Variants in CNTLN observed in about 807,000 individuals in gnomAD.
CNTLN encodes the protein centlein, centrosomal protein.
Under a neutral mutation model 180.0 loss-of-function variants are expected in CNTLN, and 212 were observed. That is an observed-to-expected ratio of 1.18 (90% CI 1.05 to 1.32). The LOEUF is 1.32. Ranked by LOEUF, CNTLN falls within the 40% of genes most tolerant of loss-of-function variation. The pLI, the probability that CNTLN is intolerant of heterozygous loss-of-function variation, is 0.00. For synonymous variants in CNTLN, 722 were observed against 563.1 expected (o/e 1.28, Z -3.99); for missense variants, 2,095 against 1,610.9 (o/e 1.30, Z -5.14).
chr9:17,300,375 A>T (rs1003720852), intron 7 of CNTLN: 4 of 152,148 alleles, frequency 2.6e-5, no homozygotes, highest in African/African-American at 9.7e-5. Flanking sequence ...TGTATACTCT[A>T]GGAAAGAGTA....
In CNTLN at chr9:17,487,055, C is replaced by G. The variant is rs751322538; in HGVS notation, c.4108C>G (p.Leu1370Val). 6.2e-7 allele frequency: 1 copy of G among 1,602,392 alleles called. No homozygotes were observed. Among genetic ancestry groups the G allele is most frequent in the Non-Finnish European group, 8.5e-7 (1 of 1,171,870 alleles). ...ATGGATGTTGTACATTCAGAAACTT[C>G]TTGAAGGACAGGTATTTCATTTTTC... is the stretch of plus-strand genomic sequence containing the variant. ...KEWMLYIQKL[L>V]EGQLPFASYL... is the part of the protein sequence containing the mutation. The change falls in exon 25 of 26, where the codon CTT becomes GTT. Residue 1370 changes from leucine to valine, a missense_variant. Coordinates refer to ENST00000380647, the MANE Select transcript of CNTLN (RefSeq NM_017738.4).
chr9:17,463,889 T>A (rs1175461147), intron 20 of CNTLN, among the ~76,000 whole-genome samples: 2 of 151,410 alleles, frequency 1.3e-5, no homozygotes, highest in Non-Finnish European at 3.0e-5. Context: ...GACTGGAACA[T>A]TGTAAGCCTT....
chr9:17,462,948 A>T lies in CNTLN; in HGVS notation c.3339A>T (p.Ser1113=), dbSNP rs368133147. ...NATNELTKQS[S]NVKTLKFELL... ...CTAATGAACTCACTAAACAGTCATC[A>T]AATGTGAAGACTTTGAAATTTGAAC... is the stretch of plus-strand genomic sequence containing the variant. The change falls in exon 20 of 26, where the codon TCA becomes TCT. Residue 1113 remains serine, a synonymous_variant. Transcript: ENST00000380647. 21 of 1,580,342 alleles carry T rather than the reference A, an allele frequency of 1.3e-5. No homozygotes were observed. Among genetic ancestry groups the T allele is most frequent in the Middle Eastern group, 1.7e-4 (1 of 5,978 alleles).
intron 8 of CNTLN, among the ~76,000 whole-genome samples, chr9:17,311,047 A>G (rs1389560866): frequency 1.3e-5 from 2 of 151,628 alleles, no homozygotes; most frequent in Non-Finnish European, 2.9e-5. Context: ...TTTTTGAGAC[A>G]GAGTTTTGCT....
rs1241545375 is a variant in CNTLN at position 17,269,579 on chromosome 9, G to A, written c.850-4154G>A. 2.0e-5 allele frequency among the ~76,000 whole-genome samples: 3 copies of A among 152,026 alleles called. No individual in the cohort carries two copies. In the South Asian group the frequency reaches 6.2e-4, roughly 32 times the overall value. On this transcript the variant is annotated intron_variant, in intron 5 of 25. Transcript: ENST00000380647. ...TTTCCATGTGGATGAAAAATTTCCA[G>A]TTTTCCTTCTGTAATTGATTTCTGG...
chr9:17,336,456 G>A (rs368974722), intron 10 of CNTLN, among the ~76,000 whole-genome samples: 31 of 152,190 alleles, frequency 2.0e-4, no homozygotes, highest in African/African-American at 6.5e-4. Context: ...ATAGTCTCTA[G>A]GACTAATTTA....
chr9:17,182,035 C>T (rs1256987871), intron 2 of CNTLN, among the ~76,000 whole-genome samples: 1 of 152,126 alleles, frequency 6.6e-6, no homozygotes. Flanking sequence ...CCTGGCTCTC[C>T]ACTTGTCCTT....
chr9:17,395,337 G>T (rs1587874933), intron 15 of CNTLN, among the ~76,000 whole-genome samples: 2 of 152,246 alleles, frequency 1.3e-5, no homozygotes, highest in South Asian at 4.1e-4. Flanking sequence ...CTATTTTCAT[G>T]CAGTCATGAG....
chr9:17,256,975 AT>A lies in CNTLN; in HGVS notation c.850-16748del, dbSNP rs925479687. Among the ~76,000 whole-genome samples, 564 of 148,372 alleles carry A rather than the reference AT, an allele frequency of 3.8e-3. 5 individuals carry two copies. Among genetic ancestry groups the A allele is most frequent in the African/African-American group, 0.013 (539 of 40,650 alleles). On this transcript the variant is annotated intron_variant, in intron 5 of 25. Coordinates refer to ENST00000380647, the MANE Select transcript of CNTLN (RefSeq NM_017738.4). The stretch of plus-strand genomic sequence containing the variant: ...TGACCTCCTATACATTTTGTTTAAC[AT>A]TTTTTTTTTATTATTATACTTTAAG...
At chr9:17,243,206 TG>T (rs1563915300) in intron 5 of CNTLN, among the ~76,000 whole-genome samples, 1 of 152,180 alleles carries the variant, frequency 6.6e-6, no homozygotes. Flanking sequence ...TTTATTTATT[TG>T]GGTTTCTTTT....
rs1023268999 is a variant in CNTLN, at chr9:17,144,641, G to T, written c.449+1265G>T. Among the ~76,000 whole-genome samples the T allele has an allele frequency of 2.6e-5, 4 of 151,418 alleles. No homozygotes were observed. The East Asian group carries it at 7.7e-4, about 29-fold the overall frequency. On this transcript the variant is annotated intron_variant, in intron 2 of 25. Coordinates refer to ENST00000380647, the MANE Select transcript of CNTLN (RefSeq NM_017738.4). Reference sequence around the variant, plus strand: ...GTTTTTCATATTTATAATATACAGAGTATATATTCATATAACATAAAATTT... The same window carrying T: ...GTTTTTCATATTTATAATATACAGATTATATATTCATATAACATAAAATTT...
intron 12 of CNTLN, among the ~76,000 whole-genome samples, chr9:17,348,901 G>A (rs886594925): frequency 2.6e-5 from 4 of 152,086 alleles, no homozygotes; most frequent in Non-Finnish European, 5.9e-5. Flanking sequence ...ATTATGGCTG[G>A]AGTAGGGTGG....
chr9:17,492,285 C>T (rs1427977766), intron 25 of CNTLN, among the ~76,000 whole-genome samples: 1 of 151,352 alleles, frequency 6.6e-6, no homozygotes, highest in Non-Finnish European at 1.5e-5. Flanking sequence ...TTCTTTCTTT[C>T]TTATTTTATT....
intron 23 of CNTLN, among the ~76,000 whole-genome samples, chr9:17,473,207 A>G (rs188902439): frequency 1.8e-4 from 28 of 152,254 alleles, no homozygotes; most frequent in Non-Finnish European, 2.9e-4. Flanking sequence ...AATCCTAATT[A>G]TATAGTTCCC....
At position 17,307,482 on chromosome 9, in the gene CNTLN, C is replaced by A. The variant is rs1010224885; in HGVS notation, c.1147-1576C>A. ...ACGGGGATTCGTCATATTGCCCAGGCTGGTCTCGAACTCCTGAGCTCAGGT... is the reference window on the plus strand; with the variant it reads ...ACGGGGATTCGTCATATTGCCCAGGATGGTCTCGAACTCCTGAGCTCAGGT... On this transcript the variant is annotated intron_variant, in intron 7 of 25. Coordinates refer to ENST00000380647, the MANE Select transcript of CNTLN (RefSeq NM_017738.4). Among the ~76,000 whole-genome samples, 5 of 152,074 alleles carry A rather than the reference C, an allele frequency of 3.3e-5. No individual in the cohort carries two copies. In the East Asian group the frequency reaches 7.8e-4, roughly 24 times the overall value.
chr9:17,288,817 A>G (rs1191052689), intron 6 of CNTLN, among the ~76,000 whole-genome samples: 1 of 132,054 alleles, frequency 7.6e-6, no homozygotes, highest in African/African-American at 3.3e-5. Context: ...TTATCAAGAG[A>G]CTAGGATTGC....
intron 8 of CNTLN, among the ~76,000 whole-genome samples, chr9:17,312,861 TC>T (rs1819298579): frequency 1.3e-5 from 2 of 152,152 alleles, no homozygotes; most frequent in Non-Finnish European, 1.5e-5. Flanking sequence ...AGTATTCAGA[TC>T]TTTTATGTCT....
chr9:17,201,051 A>T (rs951734392), intron 2 of CNTLN, among the ~76,000 whole-genome samples: 3 of 152,216 alleles, frequency 2.0e-5, no homozygotes, highest in African/African-American at 7.2e-5. Flanking sequence ...AGGGATGTTG[A>T]ATTTTATTGA....
At chr9:17,165,217 A>AT (rs761534795) in intron 2 of CNTLN, among the ~76,000 whole-genome samples, 5 of 152,018 alleles carry the variant, frequency 3.3e-5, no homozygotes, top group South Asian at 2.1e-4. Context: ...AGAATACCAC[A>AT]TTTTTTTTCA....
Sources: allele counts gnomAD v4.1 joint callset (sites outside exome capture counted in the v4.1 genomes callset), GRCh38; gene constraint gnomAD v4.1.1; transcripts MANE v1.5; gene names NCBI Gene and HGNC (gene_info 2026-07-23, HGNC 2026-07-21).